Variants in ASIC5 observed in about 807,000 individuals in gnomAD.
The protein encoded by ASIC5 is acid sensing ion channel subunit family member 5.
Under a neutral mutation model 51.2 loss-of-function variants are expected in ASIC5, and 52 were observed. The observed-to-expected ratio is 1.02, with a 90% confidence interval of 0.81 to 1.28. The LOEUF (loss-of-function observed/expected upper bound fraction) is 1.28, where lower values mean the gene tolerates loss of function less well. Ranked by LOEUF, ASIC5 falls within the 50% of genes most tolerant of loss-of-function variation. The probability of loss-of-function intolerance (pLI) is 0.00; values close to 1 mark genes in which losing one functional copy is unlikely to be tolerated. For missense variants in ASIC5, 635 were observed against 595.0 expected, an observed-to-expected ratio of 1.07 and a Z score of -0.70; for synonymous variants, 231 against 200.7, an observed-to-expected ratio of 1.15 and a Z score of -1.28.
At chr4:155,834,272 C>T (rs1360827268) in intron 8 of ASIC5, among the ~76,000 whole-genome samples, 1 of 152,110 alleles carries the variant, frequency 6.6e-6, no homozygotes. Context: ...TTATTTCTGT[C>T]CCAGGAAGAC....
At chr4:155,835,399 A>C (rs1292603806) in intron 8 of ASIC5, among the ~76,000 whole-genome samples, 1 of 130,650 alleles carries the variant, frequency 7.7e-6, no homozygotes, top group Non-Finnish European at 1.6e-5. Flanking sequence ...TTTCAAGAAT[A>C]ATCTGAGTTT....
chr4:155,866,216 G>T lies in ASIC5; in HGVS notation c.11C>A (p.Thr4Lys). Residue 4 changes from threonine to lysine, a missense_variant, in exon 1 of 10, where the codon ACA (threonine) becomes AAA (lysine). Transcript: ENST00000537611. MEQ[T>K]EKSKVYAENG... ...CTCAGCATATACTTTTGATTTTTCTGTCTGCTCCATTTGTGATTTCAGTTA... is the reference window on the plus strand; with the variant it reads ...CTCAGCATATACTTTTGATTTTTCTTTCTGCTCCATTTGTGATTTCAGTTA... The T allele has an allele frequency of 1.2e-6, 2 of 1,607,882 alleles. No individual in the cohort carries two copies. The highest frequency in any genetic ancestry group is 1.7e-6 in the Non-Finnish European group (2 of 1,175,440).
At chr4:155,830,229 C>T (rs1224812161) in intron 9 of ASIC5, among the ~76,000 whole-genome samples, 183 bp from the exon 10 acceptor site, 1 of 151,966 alleles carries the variant, frequency 6.6e-6, no homozygotes, top group African/African-American at 2.4e-5. Flanking sequence ...GGTATTCATA[C>T]AAATCATCAT....
chr4:155,830,853 C>T (rs1740856624), intron 9 of ASIC5, among the ~76,000 whole-genome samples: 1 of 152,152 alleles, frequency 6.6e-6, no homozygotes, highest in Admixed American at 6.5e-5. Flanking sequence ...CATTATTAAT[C>T]ATTATCTCAT....
chr4:155,850,591 TTAGA>T (rs777689924), intron 4 of ASIC5, among the ~76,000 whole-genome samples: 1 of 152,034 alleles, frequency 6.6e-6, no homozygotes, highest in Non-Finnish European at 1.5e-5. Flanking sequence ...ACATTTCACC[TTAGA>T]TAGGTGCAGG....
In ASIC5 at chr4:155,853,059, G is replaced by T. The variant is rs1393997971; in HGVS notation, c.586-743C>A. Reference sequence around the variant, plus strand: ...TTTTGAAGCCAGACCTACTGTTGGAGTTCCTGCTTAATTAAGCCAATTCAT... The same window carrying T: ...TTTTGAAGCCAGACCTACTGTTGGATTTCCTGCTTAATTAAGCCAATTCAT... On this transcript the variant is annotated intron_variant, in intron 3 of 9. Transcript: ENST00000537611. Among the ~76,000 whole-genome samples the T allele has an allele frequency of 2.0e-5, 3 of 152,038 alleles. No homozygotes were observed. In the East Asian group the frequency reaches 5.8e-4, roughly 29 times the overall value.
chr4:155,838,082 C>T (rs1483019578), intron 7 of ASIC5, among the ~76,000 whole-genome samples: 2 of 152,164 alleles, frequency 1.3e-5, no homozygotes, highest in Non-Finnish European at 2.9e-5. Flanking sequence ...AAATATTTTA[C>T]AACCATTGAA....
intron 4 of ASIC5, among the ~76,000 whole-genome samples, chr4:155,847,583 A>G (rs1168941122): frequency 6.6e-6 from 1 of 151,912 alleles, no homozygotes; most frequent in Non-Finnish European, 1.5e-5. Flanking sequence ...TCAGCTGGGC[A>G]TGGTGGCGCA....
In ASIC5 at chr4:155,863,668, T is replaced by C; in HGVS notation, c.127A>G (p.Ile43Val). The C allele has an allele frequency of 6.2e-7, 1 of 1,613,674 alleles. No homozygotes were observed. Among genetic ancestry groups the C allele is most frequent in the Admixed American group, 1.7e-5 (1 of 59,968 alleles). The stretch of plus-strand genomic sequence containing the variant: ...TGTATCCCATGAAAGGAAGTGGAGA[T>C]GGCAAAGTCATGGTCAAACTTCTTT... ...ERKKFDHDFA[I>V]STSFHGIHNI... The change falls in exon 2 of 10, where the codon ATC becomes GTC. Residue 43 changes from isoleucine (I) to valine (V), a missense_variant. By Grantham distance (29) the Ile-to-Val change is conservative (BLOSUM62 3). Transcript: ENST00000537611.
At chr4:155,854,364 A>T (rs759899753) in intron 2 of ASIC5, 50 bp from the exon 3 acceptor site, 5 of 1,234,516 alleles carry the variant, frequency 4.1e-6, no homozygotes, top group Non-Finnish European at 5.9e-6. Context: ...ACTTATAATT[A>T]TCTGGAAGAC....
chr4:155,849,781 G>A (rs185626086), intron 4 of ASIC5, among the ~76,000 whole-genome samples: 43 of 151,958 alleles, frequency 2.8e-4, no homozygotes, highest in African/African-American at 9.2e-4. Flanking sequence ...CTTAAAGTCC[G>A]GCAAACTGAA....
chr4:155,851,708 C>T (rs1306465870), intron 4 of ASIC5, among the ~76,000 whole-genome samples: 2 of 151,946 alleles, frequency 1.3e-5, no homozygotes, highest in African/African-American at 2.4e-5. Flanking sequence ...TTTCCAAAAG[C>T]TGGGCTTGGA....
At chr4:155,864,232 G>A (rs1245953003) in intron 1 of ASIC5, among the ~76,000 whole-genome samples, 2 of 152,140 alleles carry the variant, frequency 1.3e-5, no homozygotes, top group Admixed American at 1.3e-4. Flanking sequence ...TATGGTAAAT[G>A]TAACTTTCAT....
intron 4 of ASIC5, among the ~76,000 whole-genome samples, chr4:155,849,419 A>G (rs1369191239): frequency 1.3e-5 from 2 of 152,100 alleles, no homozygotes; most frequent in African/African-American, 2.4e-5. Flanking sequence ...TTAAAAGCCT[A>G]TGTAAAAAAT....
chr4:155,842,120 A>G, intron 6 of ASIC5, 87 bp downstream of exon 6: 1 of 1,249,304 alleles, frequency 8.0e-7, no homozygotes, highest in Non-Finnish European at 1.1e-6. Flanking sequence ...TTGTATTTCA[A>G]TACTCTATTT....
At chr4:155,857,493 A>C (rs911289203) in intron 2 of ASIC5, among the ~76,000 whole-genome samples, 1 of 152,076 alleles carries the variant, frequency 6.6e-6, no homozygotes, top group Non-Finnish European at 1.5e-5. Context: ...CTTAGCTAGA[A>C]TTTGACTTAC....
At chr4:155,836,332 G>A (rs544026899) in intron 8 of ASIC5, among the ~76,000 whole-genome samples, 4 of 152,182 alleles carry the variant, frequency 2.6e-5, no homozygotes, top group South Asian at 4.1e-4. Flanking sequence ...CATCTACCTT[G>A]TACAGTTATT....
chr4:155,855,562 A>G (rs776443817), intron 2 of ASIC5, among the ~76,000 whole-genome samples: 2 of 151,930 alleles, frequency 1.3e-5, no homozygotes, highest in Non-Finnish European at 2.9e-5. Context: ...CTTTAAATTG[A>G]CTGCTAAAGG....
At position 155,847,438 on chromosome 4, in the gene ASIC5, C is replaced by T. The variant is rs2111246955; in HGVS notation, c.712-3608G>A. On this transcript the variant is annotated intron_variant, in intron 4 of 9. Coordinates refer to ENST00000537611, the MANE Select transcript of ASIC5 (RefSeq NM_017419.3). The stretch of plus-strand genomic sequence containing the variant: ...ATTCCAATAAAAATAAAATGCATTC[C>T]TGGCCAGGCACAGGAATTCACACCT... Among the ~76,000 whole-genome samples, 4 of 152,090 alleles carry T rather than the reference C, an allele frequency of 2.6e-5. No homozygotes were observed. The East Asian group carries it at 7.8e-4, about 30-fold the overall frequency.
Sources: gnomAD v4.1 joint callset for allele counts (sites outside exome capture counted in the v4.1 genomes callset) on GRCh38, gnomAD v4.1.1 for gene constraint, MANE v1.5 for transcripts, NCBI Gene and HGNC (gene_info 2026-07-23, HGNC 2026-07-21) for gene names.